VSTM2L: variants seen among roughly 807,000 people sequenced by gnomAD.
The protein encoded by VSTM2L is V-set and transmembrane domain containing 2 like.
VSTM2L carries 9 observed loss-of-function variants against 19.9 expected under a neutral mutation model. The observed-to-expected ratio is 0.45, with a 90% CI of 0.27 to 0.79. The LOEUF (loss-of-function observed/expected upper bound fraction) is 0.79. VSTM2L is among the 30% of genes least tolerant of loss of function. VSTM2L has a pLI of 0.15. For synonymous variants in VSTM2L, 127 were observed against 133.8 expected (o/e 0.95, Z 0.35); for missense variants, 286 against 295.5 (o/e 0.97, Z 0.24).
At chr20:37,912,193 G>A (rs2122939116) in intron 1 of VSTM2L, among the ~76,000 whole-genome samples, 1 of 152,334 alleles carries the variant, frequency 6.6e-6, no homozygotes, top group South Asian at 2.1e-4. Context: ...CCCAGCTTGT[G>A]GGACGACAGA....
At chr20:37,937,150 G>A (rs952234866) in intron 3 of VSTM2L, among the ~76,000 whole-genome samples, 1 of 152,112 alleles carries the variant, frequency 6.6e-6, no homozygotes, top group African/African-American at 2.4e-5. Context: ...GAACCCAGGA[G>A]GCAGAGGCTG....
Position 37,903,252 on chromosome 20 carries a change from G to A in VSTM2L, c.-99G>A. On this transcript the variant is annotated 5_prime_UTR_variant, in exon 1 of 4. Transcript: ENST00000373461. Reference sequence around the variant, plus strand: ...GGGCGAGGGGCAGCTGCCGGAGCCGGGCAGCCAGGCCGCTCAGGGCAGGGG... The same window carrying A: ...GGGCGAGGGGCAGCTGCCGGAGCCGAGCAGCCAGGCCGCTCAGGGCAGGGG... 8.1e-7 allele frequency: 1 copy of A among 1,237,736 alleles called. No individual in the cohort carries two copies. The highest frequency in any genetic ancestry group is 1.0e-6 in the Non-Finnish European group (1 of 988,232). The allele number at this position is 1,237,736 out of a possible 1,614,324, so 76.7% of individuals were successfully genotyped here.
intron 1 of VSTM2L, among the ~76,000 whole-genome samples, chr20:37,915,248 C>T (rs117517982): frequency 1.3e-5 from 2 of 152,282 alleles, no homozygotes; most frequent in Non-Finnish European, 2.9e-5. Context: ...CCCTCAGACA[C>T]CCTCCAGCTA....
chr20:37,914,091 G>A (rs112863954), intron 1 of VSTM2L, among the ~76,000 whole-genome samples: 2,172 of 152,112 alleles, frequency 0.014, 44 homozygotes, highest in African/African-American at 0.049. Flanking sequence ...GGGTGGGAAC[G>A]TGGGATCAGA....
intron 1 of VSTM2L, among the ~76,000 whole-genome samples, chr20:37,907,978 C>T (rs1029930928): frequency 1.3e-5 from 2 of 152,288 alleles, no homozygotes; most frequent in Middle Eastern, 3.4e-3. Context: ...AAATTGAGTC[C>T]TGTCTTCCAA....
chr20:37,915,625 T>A (rs2072814079), intron 1 of VSTM2L, among the ~76,000 whole-genome samples: 1 of 151,964 alleles, frequency 6.6e-6, no homozygotes, highest in African/African-American at 2.4e-5. Context: ...TCACCTACCT[T>A]GAGGAGGTGC....
At chr20:37,942,346 G>A (rs1008965577) in intron 3 of VSTM2L, among the ~76,000 whole-genome samples, 1 of 152,204 alleles carries the variant, frequency 6.6e-6, no homozygotes, top group African/African-American at 2.4e-5. Flanking sequence ...GCTGAGCATG[G>A]TGGCGGGTGC....
intron 1 of VSTM2L, among the ~76,000 whole-genome samples, chr20:37,904,649 G>A (rs550903503): frequency 6.6e-6 from 1 of 152,360 alleles, no homozygotes; most frequent in South Asian, 2.1e-4. Context: ...CCCAGTGCTG[G>A]GCACTGTGGG....
At chr20:37,905,251 G>A (rs1238586765) in intron 1 of VSTM2L, among the ~76,000 whole-genome samples, 1 of 152,112 alleles carries the variant, frequency 6.6e-6, no homozygotes. Flanking sequence ...TCCATGGAGG[G>A]CCTTCCCTGA....
intron 1 of VSTM2L, among the ~76,000 whole-genome samples, chr20:37,925,178 C>T (rs1176605624): frequency 3.3e-5 from 5 of 152,016 alleles, no homozygotes; most frequent in Non-Finnish European, 7.3e-5. Context: ...CACAGGGTTC[C>T]TGCTTCCTGA....
intron 3 of VSTM2L, among the ~76,000 whole-genome samples, chr20:37,934,494 C>G (rs545723377): frequency 7.4e-4 from 112 of 152,304 alleles, no homozygotes; most frequent in Non-Finnish European, 1.1e-3. Flanking sequence ...AAGGCAGGTG[C>G]CCGTGGGGGT....
At chr20:37,913,000 T>C (rs2072789748) in intron 1 of VSTM2L, among the ~76,000 whole-genome samples, 1 of 152,124 alleles carries the variant, frequency 6.6e-6, no homozygotes, top group Non-Finnish European at 1.5e-5. Context: ...ACCCATTCCT[T>C]CCTTTCTCTC....
At chr20:37,914,045 G>A (rs1165771833) in intron 1 of VSTM2L, among the ~76,000 whole-genome samples, 1 of 151,986 alleles carries the variant, frequency 6.6e-6, no homozygotes, top group African/African-American at 2.4e-5. Context: ...TGAGTTTGTG[G>A]TTCATGGGAT....
intron 1 of VSTM2L, among the ~76,000 whole-genome samples, chr20:37,926,743 G>A (rs991179544): frequency 5.3e-5 from 8 of 152,152 alleles, no homozygotes; most frequent in African/African-American, 1.9e-4. Context: ...ATGTGGCCGT[G>A]GAAGGGTTAC....
At chr20:37,903,866 C>T (rs559443968) in intron 1 of VSTM2L, among the ~76,000 whole-genome samples, 96 of 152,310 alleles carry the variant, frequency 6.3e-4, no homozygotes, top group Non-Finnish European at 1.1e-3. Context: ...TCAGGCACTG[C>T]GCCGGTGGGC....
At chr20:37,917,370 C>T (rs890082533) in intron 1 of VSTM2L, among the ~76,000 whole-genome samples, 15 of 152,080 alleles carry the variant, frequency 9.9e-5, no homozygotes, top group Non-Finnish European at 2.2e-4. Context: ...TTTTACTAGG[C>T]AGGGCGGCCC....
chr20:37,909,789 G>A (rs970887602), intron 1 of VSTM2L, among the ~76,000 whole-genome samples: 3 of 152,156 alleles, frequency 2.0e-5, no homozygotes, highest in African/African-American at 7.2e-5. Context: ...ACCCTGATGA[G>A]GCACTTGCAT....
At chr20:37,942,683 G>A (rs2072979386) in intron 3 of VSTM2L, among the ~76,000 whole-genome samples, 1 of 152,238 alleles carries the variant, frequency 6.6e-6, no homozygotes, top group East Asian at 1.9e-4. Flanking sequence ...GCTCTAGGGG[G>A]TCACGAGTGT....
At position 37,944,854 on chromosome 20, in the gene VSTM2L, G is replaced by A. The variant is rs951702844; in HGVS notation, c.*601G>A. On this transcript the variant is annotated 3_prime_UTR_variant, in exon 4 of 4. Coordinates refer to ENST00000373461, the MANE Select transcript of VSTM2L (RefSeq NM_080607.3). ...CACCACCTCCTGGCGAGTCCTTCCT[G>A]TTCAGCTCCCTGTGCGACCCTCCAG... is the stretch of plus-strand genomic sequence containing the variant. 19 of 985,920 alleles carry A rather than the reference G, an allele frequency of 1.9e-5. No individual in the cohort carries two copies. The highest frequency in any genetic ancestry group is 2.2e-5 in the Non-Finnish European group (18 of 830,122). 61.1% of individuals were successfully genotyped at this position (985,920 alleles called of 1,614,324 possible). A position where few individuals can be genotyped will look rare whatever the true frequency, so the allele number is the denominator to read the frequency against.
Sources: gnomAD v4.1 joint callset for allele counts (sites outside exome capture counted in the v4.1 genomes callset) on GRCh38, gnomAD v4.1.1 for gene constraint, MANE v1.5 for transcripts, NCBI Gene and HGNC (gene_info 2026-07-23, HGNC 2026-07-21) for gene names.